The following XPOT variants were observed in gnomAD, a reference collection of about 807,000 sequenced individuals.
The protein encoded by XPOT is exportin for tRNA.
In XPOT, 34 loss-of-function variants were observed where a neutral mutation model predicts 128.2. The ratio of observed to expected loss-of-function variants is 0.27; its 90% CI spans 0.20 to 0.35. XPOT has a LOEUF of 0.35. XPOT is among the 10% of genes least tolerant of loss of function. XPOT has a pLI of 1.00. For synonymous variants in XPOT, 348 were observed against 394.3 expected (o/e 0.88, Z 1.39); for missense variants, 838 against 1,125.3 (o/e 0.74, Z 3.65).
intron 2 of XPOT, among the ~76,000 whole-genome samples, chr12:64,413,497 C>T (rs1035537185): frequency 2.6e-5 from 4 of 152,198 alleles, no homozygotes; most frequent in African/African-American, 9.6e-5. Flanking sequence ...GGCTCTGAGC[C>T]AGCAACTGGC....
At chr12:64,424,801 A>G (rs909620183) in intron 12 of XPOT, 78 bp downstream of exon 12, 2 of 1,544,480 alleles carry the variant, frequency 1.3e-6, no homozygotes, top group Non-Finnish European at 1.8e-6. Flanking sequence ...AATGATTCAT[A>G]TGACTTATTA....
At chr12:64,430,914 T>C (rs1030240732) in intron 17 of XPOT, among the ~76,000 whole-genome samples, 3 of 152,164 alleles carry the variant, frequency 2.0e-5, no homozygotes, top group African/African-American at 4.8e-5. Flanking sequence ...CTGTCCACTT[T>C]GTCAGTAGGA....
At chr12:64,445,845 A>G (rs1321988924) in intron 24 of XPOT, among the ~76,000 whole-genome samples, 1 of 152,226 alleles carries the variant, frequency 6.6e-6, no homozygotes, top group Non-Finnish European at 1.5e-5. Context: ...AAGACAAAGC[A>G]CTGTATTAAA....
At chr12:64,408,272 A>G (rs2040001635) in intron 1 of XPOT, among the ~76,000 whole-genome samples, 4 of 151,710 alleles carry the variant, frequency 2.6e-5, no homozygotes, top group Admixed American at 2.6e-4. Flanking sequence ...ACCATGCTCC[A>G]CTAATTTTTT....
intron 2 of XPOT, among the ~76,000 whole-genome samples, chr12:64,410,591 G>A (rs779454540): frequency 6.6e-6 from 1 of 151,996 alleles, no homozygotes; most frequent in African/African-American, 2.4e-5. Flanking sequence ...TAAAATGCTA[G>A]GATTATAGGC....
intron 2 of XPOT, among the ~76,000 whole-genome samples, chr12:64,413,414 C>G (rs1011553244): frequency 6.6e-6 from 1 of 152,166 alleles, no homozygotes; most frequent in African/African-American, 2.4e-5. Context: ...AACTGCTGTG[C>G]CTGGCCCAAA....
chr12:64,416,869 T>C, intron 4 of XPOT, 115 bp downstream of exon 4: 1 of 937,330 alleles, frequency 1.1e-6, no homozygotes, highest in Non-Finnish European at 1.7e-6. Flanking sequence ...ACAGTGTATA[T>C]GTTATATCCA....
chr12:64,410,456 T>C (rs1378492642), intron 2 of XPOT, among the ~76,000 whole-genome samples: 1 of 152,196 alleles, frequency 6.6e-6, no homozygotes, highest in African/African-American at 2.4e-5. Flanking sequence ...CTATACAAGC[T>C]GTTTTAACAC....
intron 18 of XPOT, 122 bp from the exon 19 acceptor site, chr12:64,433,292 C>G: frequency 1.1e-6 from 1 of 906,132 alleles, no homozygotes; most frequent in Non-Finnish European, 1.6e-6. Flanking sequence ...TTGATATTTG[C>G]TAACTGAATT....
chr12:64,424,348 A>G (rs1392265860), intron 11 of XPOT, among the ~76,000 whole-genome samples: 3 of 152,222 alleles, frequency 2.0e-5, no homozygotes, highest in African/African-American at 7.2e-5. Context: ...AAGCTTAATA[A>G]GTTTTTCTAT....
chr12:64,439,850 G>T (rs528267001), intron 23 of XPOT, among the ~76,000 whole-genome samples: 1 of 152,292 alleles, frequency 6.6e-6, no homozygotes, highest in South Asian at 2.1e-4. Context: ...CAGATTTCTT[G>T]TCCAGTAGTA....
At position 64,435,638 on chromosome 12, in the gene XPOT, G is replaced by A. The variant is rs776183184; in HGVS notation, c.2697G>A (p.Glu899=). The change falls in exon 22 of 25, where the codon GAG becomes GAA. Residue 899 remains glutamate (E), a synonymous_variant. Transcript: ENST00000332707. ...CTTGTTTTTCACAGGCTTTATCTGA[G>A]TGTGCAGTGACACTGAAAACAATTC... The part of the protein sequence containing the change: ...ADAQTVLALS[E]CAVTLKTIHL... 3 of 1,597,472 alleles carry A rather than the reference G, an allele frequency of 1.9e-6. No homozygotes were observed. The highest frequency in any genetic ancestry group is 2.6e-6 in the Non-Finnish European group (3 of 1,170,348).
At chr12:64,406,280 T>C (rs1393541529) in intron 1 of XPOT, among the ~76,000 whole-genome samples, 1 of 151,784 alleles carries the variant, frequency 6.6e-6, no homozygotes, top group Non-Finnish European at 1.5e-5. Context: ...TTCACCGTGT[T>C]GGTCAGGCTG....
intron 16 of XPOT, 52 bp downstream of exon 16, chr12:64,428,172 C>A: frequency 8.0e-7 from 1 of 1,252,812 alleles, no homozygotes; most frequent in Non-Finnish European, 1.1e-6. Flanking sequence ...TGAAGCCACA[C>A]GTGCCATTAG....
Position 64,421,430 on chromosome 12 carries a change from A to G in XPOT, c.1039A>G (p.Ile347Val), listed in dbSNP as rs769573510. ...TGAGGATGATGATATTTCTTCTAAT[A>G]TTATTGGATTTTGTTACGATTATCT... The part of the protein sequence containing the change: ...IHEDDDISSN[I>V]IGFCYDYLHI... Residue 347 changes from isoleucine to valine, a missense_variant, in exon 9 of 25, where the codon ATT (isoleucine) becomes GTT (valine). Transcript: ENST00000332707. The G allele has an allele frequency of 8.1e-6, 13 of 1,613,958 alleles. No individual in the cohort carries two copies. Among genetic ancestry groups the G allele is most frequent in the South Asian group, 1.1e-5 (1 of 91,082 alleles).
intron 22 of XPOT, among the ~76,000 whole-genome samples, chr12:64,436,601 G>A (rs1040566795): frequency 1.4e-4 from 21 of 151,384 alleles, no homozygotes; most frequent in Non-Finnish European, 3.1e-4. Flanking sequence ...TATTTTTTGT[G>A]GTAGGTTCTC....
intron 5 of XPOT, 54 bp from the exon 6 acceptor site, chr12:64,418,822 T>C: frequency 6.4e-7 from 1 of 1,556,862 alleles, no homozygotes; most frequent in African/African-American, 1.4e-5. Context: ...AACTGGTGTT[T>C]CTGGGTCTTT....
chr12:64,409,958 G>A lies in XPOT; in HGVS notation c.-74-4G>A. ...TTTTCTTTCAACTTTGTTTTTTGTG[G>A]CAGATGTTTATAAATTCTTCTGTGG... On this transcript the variant is annotated splice_polypyrimidine_tract_variant and splice_region_variant and intron_variant, in intron 1 of 24. Coordinates refer to ENST00000332707, the MANE Select transcript of XPOT (RefSeq NM_007235.6). 2.5e-6 allele frequency: 3 copies of A among 1,188,626 alleles called. No individual in the cohort carries two copies. The highest frequency in any genetic ancestry group is 3.7e-6 in the Non-Finnish European group (3 of 806,404). 73.6% of individuals were successfully genotyped at this position (1,188,626 alleles called of 1,614,324 possible).
At chr12:64,415,555 C>A (rs2136015125) in intron 3 of XPOT, among the ~76,000 whole-genome samples, 1 of 151,910 alleles carries the variant, frequency 6.6e-6, no homozygotes, top group African/African-American at 2.4e-5. Context: ...TTTTGTATTT[C>A]TTTTTGGTGG....
Sources: gnomAD v4.1 joint callset for allele counts (sites outside exome capture counted in the v4.1 genomes callset) on GRCh38, gnomAD v4.1.1 for gene constraint, MANE v1.5 for transcripts, NCBI Gene and HGNC (gene_info 2026-07-23, HGNC 2026-07-21) for gene names.